MIER1: variants seen among roughly 807,000 people sequenced by gnomAD.
The protein encoded by MIER1 is mesoderm induction early response protein 1.
Under a neutral mutation model 75.7 loss-of-function variants are expected in MIER1, and 40 were observed. The observed-to-expected ratio is 0.53, with a 90% CI of 0.41 to 0.69. MIER1 has a LOEUF of 0.69. Ranked by LOEUF, MIER1 falls within the 30% of genes least tolerant of loss-of-function variation. The pLI is 0.00. For synonymous variants in MIER1, 213 were observed against 223.4 expected, an observed-to-expected ratio of 0.95 and a Z score of 0.42; for missense variants, 574 against 680.2, an observed-to-expected ratio of 0.84 and a Z score of 1.74.
At position 66,986,167 on chromosome 1, in the gene MIER1, A is replaced by G. The variant is rs183744278; in HGVS notation, c.*1267A>G. On this transcript the variant is annotated 3_prime_UTR_variant, in exon 14 of 14. Transcript: ENST00000401041. ...GTTTGAAAACTTTTCAAACTTTTCTAGTTACAATCCAATTTTTCAGATTTG... is the reference window on the plus strand; with the variant it reads ...GTTTGAAAACTTTTCAAACTTTTCTGGTTACAATCCAATTTTTCAGATTTG... 2.7e-4 allele frequency: 333 copies of G among 1,214,884 alleles called. 1 individual carries two copies. The African/African-American group carries it at 4.7e-3, about 17-fold the overall frequency. The allele number at this position is 1,214,884 out of a possible 1,614,324, so 75.3% of individuals were successfully genotyped here.
intron 8 of MIER1, among the ~76,000 whole-genome samples, chr1:66,968,140 A>G (rs1365269108): frequency 6.6e-6 from 1 of 152,142 alleles, no homozygotes; most frequent in Non-Finnish European, 1.5e-5. Flanking sequence ...GAATTTAAGT[A>G]TATTAGTTTG....
chr1:66,943,336 C>G (rs898739375), intron 3 of MIER1, among the ~76,000 whole-genome samples: 2 of 152,140 alleles, frequency 1.3e-5, no homozygotes, highest in Admixed American at 6.6e-5. Flanking sequence ...TTGTACTAAG[C>G]TTTTCTTAAT....
chr1:66,946,546 A>G (rs1305829258), intron 4 of MIER1: 5 of 1,145,366 alleles, frequency 4.4e-6, no homozygotes, highest in African/African-American at 3.2e-5. Context: ...TGATTCTGCT[A>G]TAAAGGTCTG....
At chr1:66,946,912 T>A in intron 4 of MIER1, 1 of 985,404 alleles carries the variant, frequency 1.0e-6, no homozygotes. Flanking sequence ...TTGTTTCTAT[T>A]CAGTATCTTT....
chr1:66,980,716 C>T (rs1219539147), intron 12 of MIER1, among the ~76,000 whole-genome samples: 1 of 151,658 alleles, frequency 6.6e-6, no homozygotes, highest in Non-Finnish European at 1.5e-5. Context: ...CTGTTCTGTG[C>T]CTTGCACAAC....
Position 66,984,723 on chromosome 1 carries a change from C to A in MIER1, c.1521C>A (p.Asp507Glu), listed in dbSNP as rs772611086. ...ATGAAACAGATAACCTTACCACTGA[C>A]CCAAAACTTGCCCATATGACTGCAA... is the stretch of plus-strand genomic sequence containing the variant. ...NGYETDNLTT[D>E]PKLAHMTARN... is the part of the protein sequence containing the mutation. The change falls in exon 14 of 14, where the codon GAC (aspartate) becomes GAA (glutamate). Residue 507 changes from aspartate (D) to glutamate (E), a missense_variant. Around this residue, in one of 3 missense-constraint regions of MIER1, gnomAD observed 164 missense variants for 154.3 expected, o/e 1.06. Transcript: ENST00000401041. 6.2e-7 allele frequency: 1 copy of A among 1,613,990 alleles called. No individual in the cohort carries two copies. Among genetic ancestry groups the A allele is most frequent in the South Asian group, 1.1e-5 (1 of 91,080 alleles).
At chr1:66,945,292 TATATATATATATATATATATATATAA>T (rs1353377302) in intron 3 of MIER1, among the ~76,000 whole-genome samples, 484 of 8,958 alleles carry the variant, frequency 0.054, 6 homozygotes, top group African/African-American at 0.16. Flanking sequence ...TATATATATA[TATATATATATATATATATATATATAA>T]AATACCTAAT....
chr1:66,974,067 C>T (rs565509722), intron 11 of MIER1, among the ~76,000 whole-genome samples: 7 of 151,572 alleles, frequency 4.6e-5, no homozygotes, highest in East Asian at 3.9e-4. Flanking sequence ...TAAATTTTGT[C>T]GTGCATTAAC....
chr1:66,958,308 T>C, intron 5 of MIER1, 88 bp downstream of exon 5: 1 of 820,586 alleles, frequency 1.2e-6, no homozygotes, highest in Non-Finnish European at 1.7e-6. Flanking sequence ...CTTGTCTTTA[T>C]AATCTTTTCC....
At chr1:66,976,123 C>G (rs1252892032) in intron 11 of MIER1, among the ~76,000 whole-genome samples, 2 of 152,052 alleles carry the variant, frequency 1.3e-5, no homozygotes, top group African/African-American at 4.8e-5. Context: ...CCTGCCTCAG[C>G]CTCCCGAGTA....
rs552989933 is a variant in MIER1 at position 66,987,092 on chromosome 1, G to T, written c.*2192G>T. 6.6e-6 allele frequency: 1 copy of T among 152,656 alleles called. No homozygotes were observed. Among genetic ancestry groups the T allele is most frequent in the African/African-American group, 2.4e-5 (1 of 41,572 alleles). The allele number at this position is 152,656 out of a possible 1,614,324, so 9.5% of individuals were successfully genotyped here. ...GGCACATGTATACATTTTAGGAAAT[G>T]TTACTTTTGTTAATCTTTAAAAAAT... On this transcript the variant is annotated 3_prime_UTR_variant, in exon 14 of 14. Coordinates refer to ENST00000401041, the MANE Select transcript of MIER1 (RefSeq NM_001077700.3).
intron 2 of MIER1, among the ~76,000 whole-genome samples, chr1:66,937,170 C>T (rs1361340398): frequency 6.6e-6 from 1 of 152,086 alleles, no homozygotes; most frequent in Non-Finnish European, 1.5e-5. Flanking sequence ...TCACCACCTA[C>T]CATGGAACCT....
chr1:66,948,423 G>T (rs1658165568), intron 4 of MIER1, among the ~76,000 whole-genome samples: 1 of 152,162 alleles, frequency 6.6e-6, no homozygotes, highest in Non-Finnish European at 1.5e-5. Flanking sequence ...AGCTCAAAAA[G>T]GAGTTCTATT....
intron 10 of MIER1, among the ~76,000 whole-genome samples, chr1:66,972,661 A>G (rs1273264293): frequency 6.6e-6 from 1 of 152,054 alleles, no homozygotes; most frequent in African/African-American, 2.4e-5. Context: ...TTTGATCAGT[A>G]AGAATTAAGA....
chr1:66,962,036 A>G (rs1661350572), intron 7 of MIER1, among the ~76,000 whole-genome samples: 1 of 152,230 alleles, frequency 6.6e-6, no homozygotes, highest in Non-Finnish European at 1.5e-5. Flanking sequence ...CTTCTAGACC[A>G]TGATTTTGTA....
intron 12 of MIER1, among the ~76,000 whole-genome samples, chr1:66,977,497 T>C (rs1397309426): frequency 6.6e-6 from 1 of 152,206 alleles, no homozygotes; most frequent in Non-Finnish European, 1.5e-5. Context: ...ACAAGTAATA[T>C]TTAAGAATTA....
rs748605867 is a variant in MIER1, at chr1:66,940,948, G to A, written c.193+896G>A. Among the ~76,000 whole-genome samples the A allele has an allele frequency of 7.8e-4, 118 of 152,154 alleles. 1 individual carries two copies. The highest frequency in any genetic ancestry group is 6.0e-4 in the Non-Finnish European group (41 of 68,030). On this transcript the variant is annotated intron_variant, in intron 3 of 13. Coordinates refer to ENST00000401041, the MANE Select transcript of MIER1 (RefSeq NM_001077700.3). ...AGAGTGAGAAAGTGAACCCTCTGAG[G>A]CATAGTAATGTTTTATTTGAAAACA...
intron 4 of MIER1, among the ~76,000 whole-genome samples, chr1:66,955,676 CAAAT>C (rs1265922635): frequency 2.6e-5 from 4 of 152,140 alleles, no homozygotes; most frequent in East Asian, 3.9e-4. Flanking sequence ...TTTTGAGGAT[CAAAT>C]AAATAATGAA....
chr1:66,925,260 G>T (rs1651252992), intron 1 of MIER1, 165 bp downstream of exon 1: 2 of 983,820 alleles, frequency 2.0e-6, no homozygotes, highest in Non-Finnish European at 2.4e-6. Context: ...AACGCGCCTG[G>T]CTTGCTCTCC....
Sources: gnomAD v4.1 joint callset for allele counts (sites outside exome capture counted in the v4.1 genomes callset) on GRCh38, gnomAD v4.1.1 for gene constraint, gnomAD v4.1.1 regional missense constraint, MANE v1.5 for transcripts, NCBI Gene and HGNC (gene_info 2026-07-23, HGNC 2026-07-21) for gene names.